Variants in WDR62 observed in about 807,000 individuals in gnomAD.
The protein encoded by WDR62 is WD repeat domain 62.
A neutral mutation model predicts 160.6 loss-of-function variants in WDR62; 112 were observed. The observed-to-expected ratio is 0.70, with a 90% CI of 0.60 to 0.82. The LOEUF is 0.82. Among genes scored for constraint, WDR62 ranks in the 40% least tolerant of loss-of-function variants. The probability of loss-of-function intolerance (pLI) is 0.00; values close to 1 mark genes in which losing one functional copy is unlikely to be tolerated. For synonymous variants in WDR62, 792 were observed against 815.1 expected (o/e 0.97, Z 0.48); for missense variants, 1,819 against 1,983.8 (o/e 0.92, Z 1.58).
At chr19:36,094,235 G>A in intron 20 of WDR62, 71 bp downstream of exon 20, 1 of 1,589,490 alleles carries the variant, frequency 6.3e-7, no homozygotes. Flanking sequence ...CCATGACCTT[G>A]TTTACAGGGC....
In WDR62 at chr19:36,094,066, A is replaced by C. The variant is rs1262747018; in HGVS notation, c.2369A>C (p.His790Pro). The change falls in exon 20 of 32, where the codon CAC becomes CCC. Residue 790 changes from histidine to proline, a missense_variant. By Grantham distance (77) the His-to-Pro change is moderately conservative. This residue lies in a region of WDR62 where 934 missense variants were observed against 1,157.2 expected (regional missense o/e 0.81). Transcript: ENST00000401500. The stretch of plus-strand genomic sequence containing the variant: ...TATGTGTCCACACCTAGTGAGATTC[A>C]CTCCCTGAGCCCTGGAGAGCAAACA... ...DTYVSTPSEI[H>P]SLSPGEQTED... 6.2e-7 allele frequency: 1 copy of C among 1,613,794 alleles called. No individual in the cohort carries two copies. The highest frequency in any genetic ancestry group is 1.3e-5 in the African/African-American group (1 of 74,848).
Position 36,103,178 on chromosome 19 carries a change from A to G in WDR62, c.3485A>G (p.Glu1162Gly). 7.4e-6 allele frequency: 12 copies of G among 1,613,996 alleles called. No individual in the cohort carries two copies. Among genetic ancestry groups the G allele is most frequent in the Non-Finnish European group, 1.0e-5 (12 of 1,180,002 alleles). Reference sequence around the variant, plus strand: ...CAGGTCCTCGCTGCAGGGAAGGCTGAAGAGACCCTGGAGGCCTGGCGCCCA... The same window carrying G: ...CAGGTCCTCGCTGCAGGGAAGGCTGGAGAGACCCTGGAGGCCTGGCGCCCA... ...RTHVLAAGKA[E>G]ETLEAWRPPP... The change falls in exon 29 of 32, where the codon GAA becomes GGA. Residue 1162 changes from glutamate to glycine, a missense_variant. Around this residue, in one of 3 missense-constraint regions of WDR62, gnomAD observed 770 missense variants for 734.2 expected, o/e 1.05. Coordinates refer to ENST00000401500, the MANE Select transcript of WDR62 (RefSeq NM_001083961.2).
rs757729585 is a variant in WDR62 at position 36,104,929 on chromosome 19, G to A, written c.4473G>A (p.Pro1491=). ...ALPSPGPPSP[P]TLYPLASPDL... is the part of the protein sequence containing the mutation. ...CCAGCCCAGGACCCCCGTCCCCACC[G>A]ACGCTGTACCCCCTGGCCAGCCCAG... Residue 1491 remains proline, a synonymous_variant, in exon 32 of 32, where the codon CCG becomes CCA. Coordinates refer to ENST00000401500, the MANE Select transcript of WDR62 (RefSeq NM_001083961.2). 8.7e-6 allele frequency: 14 copies of A among 1,608,808 alleles called. No homozygotes were observed. The highest frequency in any genetic ancestry group is 3.3e-5 in the South Asian group (3 of 90,584).
At chr19:36,091,993 C>T (rs533058369) in intron 18 of WDR62, among the ~76,000 whole-genome samples, 1 of 151,942 alleles carries the variant, frequency 6.6e-6, no homozygotes, top group Non-Finnish European at 1.5e-5. Flanking sequence ...GTAAAAGACA[C>T]CACCGTTTAC....
chr19:36,108,065 CAA>C (rs1313039517), downstream of WDR62, among the ~76,000 whole-genome samples: 1 of 152,012 alleles, frequency 6.6e-6, no homozygotes, highest in Non-Finnish European at 1.5e-5. Flanking sequence ...CCACAAGGCA[CAA>C]AGAGAAGGAA....
At chr19:36,072,148 A>C (rs1232765906) in intron 8 of WDR62, among the ~76,000 whole-genome samples, 1 of 152,196 alleles carries the variant, frequency 6.6e-6, no homozygotes, top group African/African-American at 2.4e-5. Context: ...GATGATAAGC[A>C]AGTACACGAA....
At chr19:36,066,115 T>C in intron 4 of WDR62, 100 bp downstream of exon 4, 1 of 1,580,242 alleles carries the variant, frequency 6.3e-7, no homozygotes, top group Non-Finnish European at 8.7e-7. Context: ...GAATAGCTCC[T>C]TCCTGGGCCA....
In WDR62 at chr19:36,067,736, T is replaced by TA. The variant is rs1363858008; in HGVS notation, c.700-91dup. 2.1e-5 allele frequency: 30 copies of TA among 1,432,926 alleles called. No individual in the cohort carries two copies. The African/African-American group carries it at 2.9e-4, about 14-fold the overall frequency. 88.8% of individuals were successfully genotyped at this position (1,432,926 alleles called of 1,614,324 possible). On this transcript the variant is annotated intron_variant, in intron 6 of 31. Coordinates refer to ENST00000401500, the MANE Select transcript of WDR62 (RefSeq NM_001083961.2). ...CCCTTCTCCATTTGGAAGAGCTTCT[T>TA]AGAGTTCTCCTGTTTTGTTGTGTCC...
chr19:36,080,112 A>AT (rs1383562340), intron 9 of WDR62, among the ~76,000 whole-genome samples: 3 of 122,910 alleles, frequency 2.4e-5, no homozygotes, highest in Non-Finnish European at 3.7e-5. Flanking sequence ...TTATTTTTTT[A>AT]TTATTTTTTT....
At chr19:36,065,110 A>G (rs1224514676) in intron 3 of WDR62, among the ~76,000 whole-genome samples, 2 of 152,196 alleles carry the variant, frequency 1.3e-5, no homozygotes, top group Non-Finnish European at 2.9e-5. Context: ...GCATAGTTGC[A>G]AGCATAAAAC....
intron 20 of WDR62, among the ~76,000 whole-genome samples, chr19:36,096,549 CA>C (rs974036347): frequency 2.3e-3 from 335 of 142,568 alleles, no homozygotes; most frequent in African/African-American, 5.1e-3. Context: ...ACTAAAAATA[CA>C]AAAAAAAAAA....
At chr19:36,074,614 C>T (rs1331717195) in intron 9 of WDR62, among the ~76,000 whole-genome samples, 1 of 152,084 alleles carries the variant, frequency 6.6e-6, no homozygotes, top group African/African-American at 2.4e-5. Flanking sequence ...ATTGGGTTTT[C>T]AGTGGCCAGA....
At chr19:36,071,477 G>T (rs965476450) in intron 7 of WDR62, 79 bp from the exon 8 acceptor site, 25 of 1,564,712 alleles carry the variant, frequency 1.6e-5, no homozygotes, top group Middle Eastern at 1.7e-4. Context: ...GAGGCCTAAG[G>T]CTGCTCTGTC....
rs1282766100 is a variant in WDR62 at position 36,067,821 on chromosome 19, T to A, written c.700-7T>A. The A allele has an allele frequency of 6.2e-7, 1 of 1,613,728 alleles. No individual in the cohort carries two copies. Among genetic ancestry groups the A allele is most frequent in the Non-Finnish European group, 8.5e-7 (1 of 1,180,030 alleles). ...CAAGTATCTCACTACGCCCTCTGTG[T>A]CTCCAGGTGACGAGCACAGTGCCCC... On this transcript the variant is annotated splice_region_variant and splice_polypyrimidine_tract_variant and intron_variant, in intron 6 of 31. Coordinates refer to ENST00000401500, the MANE Select transcript of WDR62 (RefSeq NM_001083961.2).
At chr19:36,063,400 C>T (rs1254789440) in intron 3 of WDR62, among the ~76,000 whole-genome samples, 2 of 152,040 alleles carry the variant, frequency 1.3e-5, no homozygotes, top group Non-Finnish European at 2.9e-5. Flanking sequence ...AGGCATGCGC[C>T]ACCGTGCCTG....
chr19:36,103,100 G>T (rs1377993650), intron 28 of WDR62, 26 bp downstream of exon 28: 4 of 1,613,920 alleles, frequency 2.5e-6, no homozygotes, highest in Non-Finnish European at 2.5e-6. Context: ...ACCTCCGTCA[G>T]GGCACGGGGC....
chr19:36,069,375 C>T lies in WDR62; in HGVS notation c.882+1365C>T, dbSNP rs548667184. 9.4e-4 allele frequency among the ~76,000 whole-genome samples: 143 copies of T among 151,712 alleles called. 2 individuals are homozygous for T. Among genetic ancestry groups the T allele is most frequent in the Admixed American group, 4.1e-3 (63 of 15,284 alleles). On this transcript the variant is annotated intron_variant, in intron 7 of 31. Coordinates refer to ENST00000401500, the MANE Select transcript of WDR62 (RefSeq NM_001083961.2). ...ACAGGGTCGCGGCCGGGTAGAGGCG[C>T]TCCTCACATCCCAGACGGGGTGGCG...
At chr19:36,085,159 A>G (rs1972137201) in intron 12 of WDR62, among the ~76,000 whole-genome samples, 1 of 152,084 alleles carries the variant, frequency 6.6e-6, no homozygotes, top group African/African-American at 2.4e-5. Context: ...GCTGTCACCC[A>G]GGCTAGAGGG....
Position 36,092,679 on chromosome 19 carries a change from A to G in WDR62, c.2211-10A>G. 6.2e-7 allele frequency: 1 copy of G among 1,613,790 alleles called. No homozygotes were observed. Among genetic ancestry groups the G allele is most frequent in the Middle Eastern group, 1.6e-4 (1 of 6,062 alleles). On this transcript the variant is annotated splice_polypyrimidine_tract_variant and intron_variant, in intron 18 of 31. Transcript: ENST00000401500. ...CCTCTGCCTTGTGTGTCTCTCTTTGACCTCCGCAGCTGCGTGTTCATCTGG... is the reference window on the plus strand; with the variant it reads ...CCTCTGCCTTGTGTGTCTCTCTTTGGCCTCCGCAGCTGCGTGTTCATCTGG...
Sources: gnomAD v4.1 joint callset for allele counts (sites outside exome capture counted in the v4.1 genomes callset) on GRCh38, gnomAD v4.1.1 for gene constraint, gnomAD v4.1.1 regional missense constraint, MANE v1.5 for transcripts, NCBI Gene and HGNC (gene_info 2026-07-23, HGNC 2026-07-21) for gene names.